EMID1: variants seen among roughly 807,000 people sequenced by gnomAD.
EMID1 encodes EMI domain-containing protein 1.
In EMID1, 40 loss-of-function variants were observed where a neutral mutation model predicts 60.6. The ratio of observed to expected loss-of-function variants is 0.66; its 90% CI spans 0.51 to 0.86. EMID1 has a LOEUF of 0.86. EMID1 is among the 40% of genes least tolerant of loss of function. EMID1 has a pLI of 0.00. For missense variants in EMID1, 585 were observed against 597.1 expected, an observed-to-expected ratio of 0.98 and a Z score of 0.21; for synonymous variants, 242 against 231.0, an observed-to-expected ratio of 1.05 and a Z score of -0.43.
chr22:29,212,208 A>C (rs1243045454), intron 1 of EMID1, among the ~76,000 whole-genome samples: 1 of 151,424 alleles, frequency 6.6e-6, no homozygotes, highest in East Asian at 1.9e-4. Flanking sequence ...CTGGTCTCAA[A>C]CTCCTGATCT....
intron 14 of EMID1, 77 bp from the exon 15 acceptor site, chr22:29,258,740 C>G: frequency 6.4e-7 from 1 of 1,566,798 alleles, no homozygotes; most frequent in East Asian, 2.3e-5. Context: ...TTCTGCCACC[C>G]CCTAGAGGGC....
intron 14 of EMID1, among the ~76,000 whole-genome samples, chr22:29,255,075 A>C (rs867333434): frequency 3.9e-5 from 6 of 152,026 alleles, no homozygotes; most frequent in South Asian, 2.1e-4. Flanking sequence ...CTCTCCACCC[A>C]TGTGGTTATT....
At chr22:29,234,606 C>T (rs758725892) in intron 12 of EMID1, among the ~76,000 whole-genome samples, 2 of 152,198 alleles carry the variant, frequency 1.3e-5, no homozygotes, top group Non-Finnish European at 2.9e-5. Context: ...ATTTCATTTA[C>T]ACTCTATCTC....
chr22:29,230,734 T>C (rs896749665), intron 5 of EMID1, among the ~76,000 whole-genome samples: 2 of 152,064 alleles, frequency 1.3e-5, no homozygotes, highest in African/African-American at 2.4e-5. Flanking sequence ...AGATGATTGC[T>C]TGAGCCCAGG....
intron 13 of EMID1, among the ~76,000 whole-genome samples, chr22:29,243,779 G>A (rs2041232615): frequency 6.6e-6 from 1 of 152,228 alleles, no homozygotes; most frequent in Non-Finnish European, 1.5e-5. Flanking sequence ...GGGTGGCTCT[G>A]CCTTTTCCTC....
chr22:29,231,266 A>G, intron 6 of EMID1, 126 bp downstream of exon 6: 4 of 1,390,558 alleles, frequency 2.9e-6, no homozygotes, highest in Non-Finnish European at 3.8e-6. Context: ...CAGTCTTCCC[A>G]TTTCCCGTTT....
rs529151485 is a variant in EMID1 at position 29,244,383 on chromosome 22, G to A, written c.1119+894G>A. ...AGGCGGGTAGATAACTTGAGGTCAGGAGTTTGAGACCAGCCTGGCCAACAT... is the reference window on the plus strand; with the variant it reads ...AGGCGGGTAGATAACTTGAGGTCAGAAGTTTGAGACCAGCCTGGCCAACAT... On this transcript the variant is annotated intron_variant, in intron 13 of 14. Coordinates refer to ENST00000334018, the MANE Select transcript of EMID1 (RefSeq NM_133455.4). Among the ~76,000 whole-genome samples, 18 of 152,218 alleles carry A rather than the reference G, an allele frequency of 1.2e-4. 2 individuals carry two copies. In the South Asian group the frequency reaches 3.3e-3, roughly 28 times the overall value.
intron 14 of EMID1, among the ~76,000 whole-genome samples, chr22:29,255,004 C>T (rs8136401): frequency 0.091 from 13,691 of 150,728 alleles, 902 homozygotes; most frequent in African/African-American, 0.19. Context: ...TTCTGTTGGT[C>T]CCTTTAGGGG....
chr22:29,223,837 T>C (rs754100360), intron 3 of EMID1, among the ~76,000 whole-genome samples: 3 of 152,254 alleles, frequency 2.0e-5, no homozygotes, highest in Non-Finnish European at 2.9e-5. Flanking sequence ...TAAGACTATG[T>C]ATGTGAAGTG....
In EMID1 at chr22:29,251,117, C is replaced by T. The variant is rs147166138; in HGVS notation, c.1120-3086C>T. On this transcript the variant is annotated intron_variant, in intron 13 of 14. Transcript: ENST00000334018. ...ATTTTTTCTTTTTTTGAGACAGGGT[C>T]TCTGTCGCCCTGGCTGGAGTGCAGT... 9.2e-5 allele frequency among the ~76,000 whole-genome samples: 14 copies of T among 151,806 alleles called. No individual in the cohort carries two copies. The East Asian group carries it at 2.7e-3, about 29-fold the overall frequency.
At position 29,206,801 on chromosome 22, in the gene EMID1, C is replaced by T. The variant is rs150231673; in HGVS notation, c.101+662C>T. On this transcript the variant is annotated intron_variant, in intron 1 of 14. Coordinates refer to ENST00000334018, the MANE Select transcript of EMID1 (RefSeq NM_133455.4). The stretch of plus-strand genomic sequence containing the variant: ...GTGTCCTCATCAATCCTTGAAGGAC[C>T]GAATGAGGTAGGGAAAACTGTCCCC... 4.9e-4 allele frequency among the ~76,000 whole-genome samples: 74 copies of T among 152,262 alleles called. No individual in the cohort carries two copies. In the East Asian group the frequency reaches 0.013, roughly 27 times the overall value.
At chr22:29,211,828 G>A (rs2039896879) in intron 1 of EMID1, among the ~76,000 whole-genome samples, 1 of 152,224 alleles carries the variant, frequency 6.6e-6, no homozygotes, top group African/African-American at 2.4e-5. Context: ...CCAGCCTGGT[G>A]AGTGTCACGT....
At chr22:29,247,543 G>T in intron 13 of EMID1, among the ~76,000 whole-genome samples, 1 of 152,210 alleles carries the variant, frequency 6.6e-6, no homozygotes, top group East Asian at 1.9e-4. Context: ...GCTAAATATT[G>T]CAGGCAACTG....
chr22:29,247,522 C>T (rs2041368420), intron 13 of EMID1, among the ~76,000 whole-genome samples: 1 of 152,234 alleles, frequency 6.6e-6, no homozygotes, highest in Non-Finnish European at 1.5e-5. Flanking sequence ...ACCTAAACAG[C>T]ACGTTACTAC....
chr22:29,234,244 T>C, intron 11 of EMID1, 45 bp downstream of exon 11: 2 of 1,610,650 alleles, frequency 1.2e-6, no homozygotes, highest in Non-Finnish European at 1.7e-6. Flanking sequence ...TGGGGAGTCC[T>C]GAGGGCCCCA....
Position 29,259,025 on chromosome 22 carries a change from C to A in EMID1, c.*81C>A, listed in dbSNP as rs1287407545. On this transcript the variant is annotated 3_prime_UTR_variant, in exon 15 of 15. Coordinates refer to ENST00000334018, the MANE Select transcript of EMID1 (RefSeq NM_133455.4). ...CGGCCAGCTGCCTCCAGGGACCGCCCGTCCATATTTATTAATGTCCTCAGG... is the reference window on the plus strand; with the variant it reads ...CGGCCAGCTGCCTCCAGGGACCGCCAGTCCATATTTATTAATGTCCTCAGG... 1 of 1,534,234 alleles carries A rather than the reference C, an allele frequency of 6.5e-7. No individual in the cohort carries two copies. Among genetic ancestry groups the A allele is most frequent in the African/African-American group, 1.4e-5 (1 of 71,500 alleles).
At chr22:29,228,156 C>CAAA (rs748240529) in intron 5 of EMID1, among the ~76,000 whole-genome samples, 3 of 38,920 alleles carry the variant, frequency 7.7e-5, no homozygotes, top group South Asian at 8.0e-4. Context: ...AACTCCATCT[C>CAAA]AAAAAAAAAA....
Position 29,258,958 on chromosome 22 carries a change from C to T in EMID1, c.*14C>T. ...GAGAGAGGCTGAGGGTGGTGGCGGC[C>T]CCTGAGGCAGACCAGGCCAGGCTTC... is the stretch of plus-strand genomic sequence containing the variant. On this transcript the variant is annotated 3_prime_UTR_variant, in exon 15 of 15. Coordinates refer to ENST00000334018, the MANE Select transcript of EMID1 (RefSeq NM_133455.4). The T allele has an allele frequency of 6.2e-7, 1 of 1,609,268 alleles. No individual in the cohort carries two copies. Among genetic ancestry groups the T allele is most frequent in the Non-Finnish European group, 8.5e-7 (1 of 1,178,066 alleles).
At position 29,214,976 on chromosome 22, in the gene EMID1, A is replaced by G; in HGVS notation, c.152A>G (p.Asn51Ser). The G allele has an allele frequency of 6.4e-7, 1 of 1,553,802 alleles. No homozygotes were observed. Among genetic ancestry groups the G allele is most frequent in the Non-Finnish European group, 8.7e-7 (1 of 1,147,360 alleles). ...CGCACCATCTCATGCCATGTGCAGA[A>G]TGGCACCTACCTTCAGCGAGTGCTG... ...VTRTISCHVQ[N>S]GTYLQRVLQN... Residue 51 changes from asparagine (N) to serine (S), a missense_variant, in exon 2 of 15, where the codon AAT (asparagine) becomes AGT (serine). Asn to Ser is a conservative substitution (Grantham distance 46). Coordinates refer to ENST00000334018, the MANE Select transcript of EMID1 (RefSeq NM_133455.4).
Sources: gnomAD v4.1 joint callset for allele counts (sites outside exome capture counted in the v4.1 genomes callset) on GRCh38, gnomAD v4.1.1 for gene constraint, MANE v1.5 for transcripts, NCBI Gene and HGNC (gene_info 2026-07-23, HGNC 2026-07-21) for gene names.